The following KLC1 variants were observed in gnomAD, a reference collection of about 807,000 sequenced individuals.
KLC1 encodes kinesin light chain 1.
KLC1 carries 30 observed loss-of-function variants against 84.2 expected under a neutral mutation model. The ratio of observed to expected loss-of-function variants is 0.36; its 90% CI spans 0.27 to 0.48. The LOEUF (loss-of-function observed/expected upper bound fraction) is 0.48, where lower values mean the gene tolerates loss of function less well. Ranked by LOEUF, KLC1 falls within the 20% of genes least tolerant of loss-of-function variation. The pLI, the probability that KLC1 is intolerant of heterozygous loss-of-function variation, is 0.99. For synonymous variants in KLC1, 289 were observed against 293.3 expected (o/e 0.99, Z 0.15); for missense variants, 499 against 805.4 (o/e 0.62, Z 4.60).
chr14:103,640,260 A>ATGT (rs1050950241), intron 1 of KLC1, among the ~76,000 whole-genome samples: 11 of 151,722 alleles, frequency 7.3e-5, no homozygotes, highest in African/African-American at 2.7e-4. Context: ...GGGTTTCACC[A>ATGT]TGTTGACCAG....
chr14:103,641,144 C>T lies in KLC1; in HGVS notation c.-2+11650C>T, dbSNP rs149436414. Among the ~76,000 whole-genome samples, 105 of 152,156 alleles carry T rather than the reference C, an allele frequency of 6.9e-4. 1 individual carries two copies. Among genetic ancestry groups the T allele is most frequent in the African/African-American group, 8.7e-4 (36 of 41,504 alleles). On this transcript the variant is annotated intron_variant, in intron 1 of 16. Transcript: ENST00000334553. ...TTTGCCATGTTGGCCATGCTGGTCT[C>T]GAACTCCTGCCCTTAAGTGATCCAC...
intron 9 of KLC1, 106 bp from the exon 10 acceptor site, chr14:103,675,446 T>G: frequency 1.1e-6 from 1 of 888,874 alleles, no homozygotes; most frequent in South Asian, 1.6e-5. Context: ...TTTGAAACTT[T>G]TCGAGTGCCG....
chr14:103,647,310 A>G (rs1165826306), intron 1 of KLC1, among the ~76,000 whole-genome samples: 1 of 151,744 alleles, frequency 6.6e-6, no homozygotes, highest in Non-Finnish European at 1.5e-5. Flanking sequence ...TGCAACCTCC[A>G]CTTTCCAGGT....
rs1408307256 is a variant in KLC1 at position 103,694,287 on chromosome 14, T to C, written c.1848+1862T>C. 5.1e-6 allele frequency: 5 copies of C among 971,072 alleles called. No homozygotes were observed. The highest frequency in any genetic ancestry group is 4.8e-5 in the South Asian group (1 of 20,804). The allele number at this position is 971,072 out of a possible 1,614,324, so 60.2% of individuals were successfully genotyped here. ...TTTTTTTTGAGACGGAGTCTAACTCTGTTGCCCAGGCTGGAGCGCAGTGGC... is the reference window on the plus strand; with the variant it reads ...TTTTTTTTGAGACGGAGTCTAACTCCGTTGCCCAGGCTGGAGCGCAGTGGC... On this transcript the variant is annotated intron_variant, in intron 15 of 16. Transcript: ENST00000334553. This position sits in a 1 kb window ranked among gnomAD's most constrained non-coding sequence, Gnocchi z 4.5.
At chr14:103,649,515 GCCCAA>G (rs2078222107) in intron 1 of KLC1, among the ~76,000 whole-genome samples, 3 of 138,660 alleles carry the variant, frequency 2.2e-5, no homozygotes, top group African/African-American at 8.2e-5. Context: ...GATCACTGGA[GCCCAA>G]GAGTTTTAGA....
At chr14:103,645,972 A>T (rs1044417699) in intron 1 of KLC1, among the ~76,000 whole-genome samples, 36 of 151,978 alleles carry the variant, frequency 2.4e-4, no homozygotes, top group African/African-American at 8.2e-4. Flanking sequence ...GTTAGCCAGG[A>T]TGGTCTTGAT....
chr14:103,670,282 A>G lies in KLC1; in HGVS notation c.986A>G (p.Lys329Arg). 1.2e-6 allele frequency: 2 copies of G among 1,605,880 alleles called. No homozygotes were observed. The highest frequency in any genetic ancestry group is 1.7e-6 in the Non-Finnish European group (2 of 1,174,144). ...AAAAGAGCTCTGGAAATCCGAGAAA[A>G]GGTACAAAAGAAGGGGGCAGTCGTT... is the stretch of plus-strand genomic sequence containing the variant. ...LCKRALEIREKVLGKDHPDVA... is the reference protein window; with the variant it reads ...LCKRALEIRERVLGKDHPDVA... The change falls in exon 7 of 17, where the codon AAG (lysine) becomes AGG (arginine). Residue 329 changes from lysine to arginine, a missense_variant and splice_region_variant. Transcript: ENST00000334553.
intron 15 of KLC1, chr14:103,697,540 G>GT (rs1298495300): frequency 2.0e-5 from 3 of 152,024 alleles, no homozygotes; most frequent in Non-Finnish European, 4.4e-5. Flanking sequence ...CCTAGGAGTT[G>GT]TGAGGAGAAC....
chr14:103,655,081 G>T (rs72634013), intron 2 of KLC1, among the ~76,000 whole-genome samples: 345 of 152,006 alleles, frequency 2.3e-3, no homozygotes, highest in African/African-American at 8.1e-3. Context: ...ACAAAAATTA[G>T]CCGGGCCTGG....
intron 1 of KLC1, among the ~76,000 whole-genome samples, chr14:103,630,789 T>C (rs1324437187): frequency 5.3e-5 from 8 of 152,174 alleles, no homozygotes; most frequent in Non-Finnish European, 1.2e-4. Context: ...TGGAATTCTG[T>C]GTGGGAGGGT....
In KLC1 at chr14:103,693,194, A is replaced by G. The variant is rs983524625; in HGVS notation, c.1848+769A>G. On this transcript the variant is annotated intron_variant, in intron 15 of 16. Coordinates refer to ENST00000334553, the MANE Select transcript of KLC1 (RefSeq NM_001394837.1). The surrounding 1 kb of genome is among the most constrained non-coding windows in gnomAD (Gnocchi z 5.1). ...TCCAGATCCACTAATCCTCACAGACAGGCCAGTGCCCCGACCTGTCCCCCA... is the reference window on the plus strand; with the variant it reads ...TCCAGATCCACTAATCCTCACAGACGGGCCAGTGCCCCGACCTGTCCCCCA... Among the ~76,000 whole-genome samples, 1 of 151,640 alleles carries G rather than the reference A, an allele frequency of 6.6e-6. No individual in the cohort carries two copies. Among genetic ancestry groups the G allele is most frequent in the Admixed American group, 6.6e-5 (1 of 15,194 alleles).
chr14:103,676,161 G>A (rs527934866), intron 11 of KLC1, among the ~76,000 whole-genome samples: 25 of 152,308 alleles, frequency 1.6e-4, no homozygotes, highest in South Asian at 2.1e-4. Flanking sequence ...AGGCCCCTCC[G>A]TGGCCGGCCC....
At chr14:103,662,479 C>T (rs76297551) in intron 4 of KLC1, among the ~76,000 whole-genome samples, 2,453 of 151,964 alleles carry the variant, frequency 0.016, 63 homozygotes, top group African/African-American at 0.055. Flanking sequence ...TGTTTCATGG[C>T]GCCAAGAGGA....
intron 9 of KLC1, among the ~76,000 whole-genome samples, chr14:103,675,127 A>C (rs1451595850): frequency 6.6e-6 from 1 of 152,180 alleles, no homozygotes; most frequent in Non-Finnish European, 1.5e-5. Context: ...AGGAGTGACC[A>C]GCCTGGCCAA....
chr14:103,675,680 A>G lies in KLC1; in HGVS notation c.1312-9A>G. On this transcript the variant is annotated splice_polypyrimidine_tract_variant and intron_variant, in intron 10 of 16. Coordinates refer to ENST00000334553, the MANE Select transcript of KLC1 (RefSeq NM_001394837.1). ...AATTATTCATTTGAAATTATTTCTT[A>G]TAATTTAGGGAAAGCAAAAGGATGG... 1 of 1,612,514 alleles carries G rather than the reference A, an allele frequency of 6.2e-7. No individual in the cohort carries two copies. The highest frequency in any genetic ancestry group is 1.1e-5 in the South Asian group (1 of 90,882).
At chr14:103,689,274 CAT>C (rs1291703061) in intron 14 of KLC1, among the ~76,000 whole-genome samples, 1 of 152,190 alleles carries the variant, frequency 6.6e-6, no homozygotes, top group Non-Finnish European at 1.5e-5. Context: ...CACACTCCCA[CAT>C]GACAGCTCTC....
intron 2 of KLC1, among the ~76,000 whole-genome samples, chr14:103,655,552 T>C (rs1176048915): frequency 6.6e-6 from 1 of 151,982 alleles, no homozygotes; most frequent in Non-Finnish European, 1.5e-5. Context: ...TCCACCTGCC[T>C]CAGCAAAGTG....
At chr14:103,637,162 A>C (rs1450912604) in intron 1 of KLC1, among the ~76,000 whole-genome samples, 1 of 152,066 alleles carries the variant, frequency 6.6e-6, no homozygotes, top group Non-Finnish European at 1.5e-5. Flanking sequence ...CTATGGCTTA[A>C]CTTTATTTTT....
chr14:103,674,947 T>C (rs2080751934), intron 9 of KLC1, among the ~76,000 whole-genome samples: 1 of 152,178 alleles, frequency 6.6e-6, no homozygotes, highest in Admixed American at 6.5e-5. Context: ...TTGCTTGGTG[T>C]CCAGCTCTGT....
Sources: gnomAD v4.1 joint callset for allele counts (sites outside exome capture counted in the v4.1 genomes callset) on GRCh38, gnomAD v4.1.1 for gene constraint, Gnocchi (gnomAD v3.1) non-coding constraint, MANE v1.5 for transcripts, NCBI Gene and HGNC (gene_info 2026-07-23, HGNC 2026-07-21) for gene names.